Variants in CSMD3 observed in about 807,000 individuals in gnomAD.
CSMD3 encodes the protein CUB and sushi domain-containing protein 3.
In CSMD3, 177 loss-of-function variants were observed where a neutral mutation model predicts 435.2. That is an observed-to-expected ratio of 0.41 (90% CI 0.36 to 0.46). The LOEUF (loss-of-function observed/expected upper bound fraction) is 0.46, where lower values mean the gene tolerates loss of function less well. Ranked by LOEUF, CSMD3 falls within the 20% of genes least tolerant of loss-of-function variation. The pLI is 0.34. For missense variants in CSMD3, 4,265 were observed against 4,504.6 expected, an observed-to-expected ratio of 0.95 and a Z score of 1.52; for synonymous variants, 1,656 against 1,520.5, an observed-to-expected ratio of 1.09 and a Z score of -2.07.
At chr8:112,752,900 CGTGTGT>C (rs10617885) in intron 13 of CSMD3, among the ~76,000 whole-genome samples, 3,009 of 146,474 alleles carry the variant, frequency 0.021, 84 homozygotes, top group African/African-American at 0.063. Flanking sequence ...TTTGTTACCG[CGTGTGT>C]GTGTGTGTGT....
intron 3 of CSMD3, among the ~76,000 whole-genome samples, chr8:113,232,283 A>C (rs936826640): frequency 4.6e-5 from 7 of 151,700 alleles, no homozygotes; most frequent in African/African-American, 1.4e-4. Context: ...CAGATTTAGG[A>C]AAAATAAGTT....
intron 32 of CSMD3, among the ~76,000 whole-genome samples, chr8:112,437,567 A>G (rs1814505427): frequency 6.6e-6 from 1 of 152,022 alleles, no homozygotes; most frequent in Admixed American, 6.6e-5. Flanking sequence ...TTGGAGCCAT[A>G]TATATATGTG....
chr8:112,461,377 TA>T (rs1007270790), intron 32 of CSMD3, among the ~76,000 whole-genome samples: 5 of 152,162 alleles, frequency 3.3e-5, no homozygotes, highest in Non-Finnish European at 7.4e-5. Flanking sequence ...GACTTCTCCA[TA>T]AAAAGTTTTC....
Position 112,587,162 on chromosome 8 carries a change from G to A in CSMD3, c.3789C>T (p.Asn1263=), listed in dbSNP as rs756972715. 1.2e-5 allele frequency: 20 copies of A among 1,609,052 alleles called. No individual in the cohort carries two copies. Among genetic ancestry groups the A allele is most frequent in the African/African-American group, 5.4e-5 (4 of 74,698 alleles). Residue 1263 remains asparagine (N), a synonymous_variant, in exon 23 of 71, where the codon AAC becomes AAT. Coordinates refer to ENST00000297405, the MANE Select transcript of CSMD3 (RefSeq NM_198123.2). ...LSPNYPLNYE[N]NHECIYSIQV... is the part of the protein sequence containing the mutation. Reference sequence around the variant, plus strand: ...GAATACTATAAATGCATTCATGGTTGTTTTCATAGTTGAGTGGATAATTTG... The same window carrying A: ...GAATACTATAAATGCATTCATGGTTATTTTCATAGTTGAGTGGATAATTTG...
At chr8:112,914,315 A>T (rs2082513117) in intron 10 of CSMD3, among the ~76,000 whole-genome samples, 1 of 151,778 alleles carries the variant, frequency 6.6e-6, no homozygotes, top group African/African-American at 2.4e-5. Context: ...TTTCAATGAG[A>T]TAATACATTT....
Position 113,164,066 on chromosome 8 carries a change from C to A in CSMD3, c.709+9656G>T, listed in dbSNP as rs546420244. Among the ~76,000 whole-genome samples the A allele has an allele frequency of 2.6e-5, 4 of 151,952 alleles. No individual in the cohort carries two copies. In the East Asian group the frequency reaches 7.7e-4, roughly 29 times the overall value. ...TTACTTTGTGAGACTATAAACTAAT[C>A]GTGTTTTCCAGATTTGTTTAGGGTG... On this transcript the variant is annotated intron_variant, in intron 4 of 70. Transcript: ENST00000297405.
chr8:113,023,097 T>A (rs2086741929), intron 5 of CSMD3, among the ~76,000 whole-genome samples: 1 of 152,120 alleles, frequency 6.6e-6, no homozygotes, highest in African/African-American at 2.4e-5. Context: ...TTCTTTTTTT[T>A]CTTTAATGTT....
chr8:112,480,135 G>T (rs1375395335), intron 31 of CSMD3, among the ~76,000 whole-genome samples: 2 of 152,246 alleles, frequency 1.3e-5, no homozygotes, highest in Non-Finnish European at 2.9e-5. Context: ...GGAACTTTAA[G>T]ATTTAATGAT....
chr8:112,251,022 G>A (rs1815209747), intron 63 of CSMD3, among the ~76,000 whole-genome samples: 1 of 151,564 alleles, frequency 6.6e-6, no homozygotes, highest in Non-Finnish European at 1.5e-5. Context: ...AACATTCTCA[G>A]TAAGCTCTAT....
At chr8:113,227,597 CAG>C (rs1004557015) in intron 3 of CSMD3, among the ~76,000 whole-genome samples, 50 of 151,668 alleles carry the variant, frequency 3.3e-4, no homozygotes, top group African/African-American at 1.1e-3. Flanking sequence ...TGGTTTTCCC[CAG>C]AGTTTTCTCG....
intron 9 of CSMD3, among the ~76,000 whole-genome samples, chr8:112,934,061 T>C (rs1564121268): frequency 6.6e-6 from 1 of 152,072 alleles, no homozygotes; most frequent in Non-Finnish European, 1.5e-5. Flanking sequence ...ATGTCTGCAG[T>C]GGGTACACAG....
At chr8:112,697,676 A>G (rs2131858643) in intron 13 of CSMD3, among the ~76,000 whole-genome samples, 1 of 152,200 alleles carries the variant, frequency 6.6e-6, no homozygotes, top group Middle Eastern at 3.4e-3. Context: ...AACATGACGC[A>G]TGTATACATA....
At chr8:112,637,611 A>G (rs1563796720) in intron 21 of CSMD3, among the ~76,000 whole-genome samples, 1 of 152,120 alleles carries the variant, frequency 6.6e-6, no homozygotes, top group Non-Finnish European at 1.5e-5. Flanking sequence ...ATGAACAAGT[A>G]AACAGTCTTC....
chr8:113,411,971 C>T (rs1259279871), intron 1 of CSMD3, among the ~76,000 whole-genome samples: 1 of 152,054 alleles, frequency 6.6e-6, no homozygotes, highest in Non-Finnish European at 1.5e-5. Flanking sequence ...CTCACAGTTA[C>T]TAGCTGTGTA....
intron 52 of CSMD3, among the ~76,000 whole-genome samples, chr8:112,302,386 A>G (rs557199710): frequency 6.8e-4 from 103 of 152,264 alleles, no homozygotes; most frequent in African/African-American, 2.2e-3. Context: ...ATCTAAACCA[A>G]CATTAAAATA....
At chr8:112,298,066 CAA>C (rs35232021) in intron 53 of CSMD3, among the ~76,000 whole-genome samples, 5,140 of 93,676 alleles carry the variant, frequency 0.055, 56 homozygotes, top group Middle Eastern at 0.097. Flanking sequence ...TGCCATTGCA[CAA>C]AAAAAAAAAA....
At chr8:112,747,725 C>T (rs997172388) in intron 13 of CSMD3, among the ~76,000 whole-genome samples, 2 of 152,092 alleles carry the variant, frequency 1.3e-5, no homozygotes, top group Non-Finnish European at 2.9e-5. Flanking sequence ...CCTGTAATCC[C>T]AGCACTTTGG....
chr8:112,687,319 A>C (rs1055183345), intron 14 of CSMD3, among the ~76,000 whole-genome samples: 3 of 151,994 alleles, frequency 2.0e-5, no homozygotes, highest in African/African-American at 4.8e-5. Context: ...TACTTTTGTT[A>C]GACATTTTCA....
chr8:113,291,732 C>T (rs775740777), intron 2 of CSMD3, among the ~76,000 whole-genome samples: 15 of 151,536 alleles, frequency 9.9e-5, no homozygotes, highest in African/African-American at 3.6e-4. Flanking sequence ...TGACTGTACA[C>T]AAAGTTATAT....
Sources: allele counts gnomAD v4.1 joint callset (sites outside exome capture counted in the v4.1 genomes callset), GRCh38; gene constraint gnomAD v4.1.1; transcripts MANE v1.5; gene names NCBI Gene and HGNC (gene_info 2026-07-23, HGNC 2026-07-21).